Variants in HEPHL1 observed in about 807,000 individuals in gnomAD.
HEPHL1 encodes the protein hephaestin like 1.
HEPHL1 carries 123 observed loss-of-function variants against 122.0 expected under a neutral mutation model. The observed-to-expected ratio is 1.01, with a 90% CI of 0.87 to 1.17. HEPHL1 has a LOEUF of 1.17. HEPHL1 is among the 50% of genes most tolerant of loss of function. The pLI, the probability that HEPHL1 is intolerant of heterozygous loss-of-function variation, is 0.00. For synonymous variants in HEPHL1, 527 were observed against 508.9 expected (o/e 1.04, Z -0.48); for missense variants, 1,452 against 1,430.5 (o/e 1.01, Z -0.24).
intron 14 of HEPHL1, 71 bp downstream of exon 14, chr11:94,101,406 G>T: frequency 6.8e-7 from 1 of 1,464,486 alleles, no homozygotes; most frequent in Non-Finnish European, 9.3e-7. Context: ...GGTCTCAGAG[G>T]TGTCTTAAAG....
At chr11:94,111,648 C>A in intron 19 of HEPHL1, 43 bp downstream of exon 19, 1 of 1,608,442 alleles carries the variant, frequency 6.2e-7, no homozygotes, top group Non-Finnish European at 8.5e-7. Flanking sequence ...AACATTTCAC[C>A]CCTCAAAAAT....
chr11:94,026,544 A>G (rs4084250), intron 1 of HEPHL1, among the ~76,000 whole-genome samples: 78,260 of 151,994 alleles, frequency 0.51, 20,638 homozygotes, highest in Non-Finnish European at 0.57. Flanking sequence ...CATATGATGG[A>G]CCCCCAAGGC....
chr11:94,094,188 C>A (rs1946289670), intron 13 of HEPHL1, among the ~76,000 whole-genome samples: 1 of 151,366 alleles, frequency 6.6e-6, no homozygotes, highest in South Asian at 2.1e-4. Flanking sequence ...GTGATGTTCC[C>A]CTTCCTGTGT....
intron 1 of HEPHL1, among the ~76,000 whole-genome samples, chr11:94,027,174 G>A (rs1172091037): frequency 1.3e-5 from 2 of 152,078 alleles, no homozygotes; most frequent in Non-Finnish European, 2.9e-5. Flanking sequence ...TTCTCTCTGT[G>A]TGTCTAGCCT....
chr11:94,111,436 C>A, intron 18 of HEPHL1, 101 bp from the exon 19 acceptor site: 1 of 904,842 alleles, frequency 1.1e-6, no homozygotes. Flanking sequence ...TTGGCAGATA[C>A]TGATGGGATA....
intron 11 of HEPHL1, among the ~76,000 whole-genome samples, chr11:94,086,660 TTC>T (rs1440115193): frequency 1.3e-5 from 2 of 152,276 alleles, no homozygotes; most frequent in South Asian, 2.1e-4. Flanking sequence ...ATTGGGGGAA[TTC>T]TCTGTTTTCA....
chr11:94,083,538 C>G (rs1368319238), intron 10 of HEPHL1, among the ~76,000 whole-genome samples: 1 of 152,162 alleles, frequency 6.6e-6, no homozygotes, highest in East Asian at 1.9e-4. Flanking sequence ...CGTAAGACAA[C>G]AGGTGCTAAC....
chr11:94,046,127 C>CTTTTT (rs1565348073), intron 2 of HEPHL1, among the ~76,000 whole-genome samples: 2 of 71,554 alleles, frequency 2.8e-5, no homozygotes, highest in Admixed American at 2.4e-4. Flanking sequence ...GGTAGTCTCA[C>CTTTTT]TCTGTTGCCC....
At chr11:94,105,917 A>G in intron 16 of HEPHL1, 74 bp from the exon 17 acceptor site, 1 of 1,024,544 alleles carries the variant, frequency 9.8e-7, no homozygotes, top group Non-Finnish European at 1.4e-6. Flanking sequence ...TGACCTAAAG[A>G]TCTTCTGGAA....
At chr11:94,071,949 A>G (rs1246787948) in intron 6 of HEPHL1, among the ~76,000 whole-genome samples, 1 of 152,126 alleles carries the variant, frequency 6.6e-6, no homozygotes, top group East Asian at 1.9e-4. Flanking sequence ...GGGCACTGGC[A>G]TGGAGAAATA....
At chr11:94,065,872 A>G (rs1946029715) in intron 4 of HEPHL1, among the ~76,000 whole-genome samples, 1 of 152,236 alleles carries the variant, frequency 6.6e-6, no homozygotes, top group Non-Finnish European at 1.5e-5. Context: ...ATAAGCAAAC[A>G]TAGATTACAT....
chr11:94,082,712 T>A, intron 10 of HEPHL1, 144 bp downstream of exon 10: 1 of 707,866 alleles, frequency 1.4e-6, no homozygotes, highest in Non-Finnish European at 2.3e-6. Context: ...CCTTCAGCTT[T>A]AGATGGTATG....
intron 17 of HEPHL1, among the ~76,000 whole-genome samples, chr11:94,108,384 T>C (rs552746284): frequency 6.6e-6 from 1 of 152,114 alleles, no homozygotes; most frequent in Non-Finnish European, 1.5e-5. Flanking sequence ...AGCTTTCAAA[T>C]AGAAGTTCTT....
Position 94,064,365 on chromosome 11 carries a change from T to C in HEPHL1, c.663T>C (p.Asp221=), listed in dbSNP as rs1379190287. The C allele has an allele frequency of 6.2e-7, 1 of 1,613,258 alleles. No individual in the cohort carries two copies. Among genetic ancestry groups the C allele is most frequent in the Non-Finnish European group, 8.5e-7 (1 of 1,179,362 alleles). ...ILNRYSGTRN[D]VDREFVIMFT... ...ATAGATATTCAGGGACACGGAATGA[T>C]GTGGATCGAGAGTTTGTTATAATGT... The change falls in exon 4 of 20, where the codon GAT becomes GAC. Residue 221 remains aspartate (D), a synonymous_variant. Transcript: ENST00000315765.
At chr11:94,026,621 T>C (rs886457978) in intron 1 of HEPHL1, among the ~76,000 whole-genome samples, 1 of 152,200 alleles carries the variant, frequency 6.6e-6, no homozygotes, top group Admixed American at 6.5e-5. Flanking sequence ...TCACTGAGTA[T>C]TTACTATGCT....
intron 11 of HEPHL1, 118 bp downstream of exon 11, chr11:94,086,307 A>C: frequency 2.8e-6 from 2 of 724,830 alleles, no homozygotes; most frequent in Non-Finnish European, 4.7e-6. Flanking sequence ...GTAGAAATAG[A>C]TATAGTCTTG....
At chr11:94,028,800 C>T (rs1945647615) in intron 1 of HEPHL1, among the ~76,000 whole-genome samples, 1 of 152,150 alleles carries the variant, frequency 6.6e-6, no homozygotes, top group Admixed American at 6.5e-5. Context: ...GGGGATGGCT[C>T]CCTTGAAGTT....
At chr11:94,077,417 T>A (rs1402127942) in intron 9 of HEPHL1, among the ~76,000 whole-genome samples, 2 of 152,200 alleles carry the variant, frequency 1.3e-5, no homozygotes. Context: ...ATAGAACTTG[T>A]ATATATTTAT....
chr11:94,090,192 C>G (rs1946255174), intron 12 of HEPHL1, among the ~76,000 whole-genome samples: 1 of 152,026 alleles, frequency 6.6e-6, no homozygotes, highest in East Asian at 1.9e-4. Flanking sequence ...AGGCCAAACA[C>G]CTGTATTCTG....
Sources: gnomAD v4.1 joint callset for allele counts (sites outside exome capture counted in the v4.1 genomes callset) on GRCh38, gnomAD v4.1.1 for gene constraint, MANE v1.5 for transcripts, NCBI Gene and HGNC (gene_info 2026-07-23, HGNC 2026-07-21) for gene names.